ERAL1: variants seen among roughly 807,000 people sequenced by gnomAD.
The protein encoded by ERAL1 is GTPase Era, mitochondrial.
A neutral mutation model predicts 53.6 loss-of-function variants in ERAL1; 36 were observed. The observed-to-expected ratio is 0.67, with a 90% CI of 0.51 to 0.89. The LOEUF (loss-of-function observed/expected upper bound fraction) is 0.89, where lower values mean the gene tolerates loss of function less well. Among genes scored for constraint, ERAL1 ranks in the 40% least tolerant of loss-of-function variants. ERAL1 has a pLI of 0.00. For missense variants in ERAL1, 512 were observed against 537.5 expected, an observed-to-expected ratio of 0.95 and a Z score of 0.47; for synonymous variants, 215 against 211.8, an observed-to-expected ratio of 1.02 and a Z score of -0.13.
chr17:28,858,067 C>T, intron 4 of ERAL1, 79 bp from the exon 5 acceptor site: 1 of 1,612,452 alleles, frequency 6.2e-7, no homozygotes, highest in Non-Finnish European at 8.5e-7. Flanking sequence ...GCTGGAAAAC[C>T]CCTTTACCAT....
intron 3 of ERAL1, 43 bp from the exon 4 acceptor site, chr17:28,857,896 T>G: frequency 6.2e-7 from 1 of 1,609,674 alleles, no homozygotes. Context: ...CCAGTCATAA[T>G]CTTTTCTCCT....
rs375134357 is a variant in ERAL1 at position 28,858,016 on chromosome 17, G to C, written c.536+31G>C. Reference sequence around the variant, plus strand: ...GGTGGTGGAATTGGGGTGGATTGGCGGGGAGGTACTGAAAGAGGGTGGGGA... The same window carrying C: ...GGTGGTGGAATTGGGGTGGATTGGCCGGGAGGTACTGAAAGAGGGTGGGGA... On this transcript the variant is annotated intron_variant, in intron 4 of 9. Transcript: ENST00000254928. 42 of 1,614,010 alleles carry C rather than the reference G, an allele frequency of 2.6e-5. 1 individual carries two copies. In the South Asian group the frequency reaches 4.4e-4, roughly 17 times the overall value.
chr17:28,855,354 G>A lies in ERAL1; in HGVS notation c.283+37G>A, dbSNP rs778079066. The A allele has an allele frequency of 7.4e-5, 112 of 1,522,722 alleles. 1 individual carries two copies. Among genetic ancestry groups the A allele is most frequent in the East Asian group, 2.3e-5 (1 of 43,436 alleles). The allele number at this position is 1,522,722 out of a possible 1,614,324, so 94.3% of individuals were successfully genotyped here. ...TGATAGGTTTGCTCGGAACTGTCAT[G>A]TTTTTAGTATTGAAAGGTTTCTGGG... is the stretch of plus-strand genomic sequence containing the variant. On this transcript the variant is annotated intron_variant, in intron 1 of 9. Coordinates refer to ENST00000254928, the MANE Select transcript of ERAL1 (RefSeq NM_005702.4).
chr17:28,858,254 G>A lies in ERAL1; in HGVS notation c.598+47G>A, dbSNP rs773010606. ...TTAAGCCCAGTTTACAGGGGTCATG[G>A]CCTTTCATTCCTTGGTAGTTTGGGG... On this transcript the variant is annotated intron_variant, in intron 5 of 9. Transcript: ENST00000254928. 8 of 1,611,384 alleles carry A rather than the reference G, an allele frequency of 5.0e-6. No homozygotes were observed. In the African/African-American group the frequency reaches 1.1e-4, roughly 22 times the overall value.
At chr17:28,860,364 C>G (rs1185236633) in intron 9 of ERAL1, 67 bp from the exon 10 acceptor site, 18 of 1,586,078 alleles carry the variant, frequency 1.1e-5, no homozygotes, top group Non-Finnish European at 1.5e-5. Context: ...ACCTTAGCCC[C>G]CCAAGTAGCT....
In ERAL1 at chr17:28,856,377, C is replaced by T; in HGVS notation, c.397C>T (p.Leu133=). ...AGGGAAGTCAACACTCTCCAACCAG[C>T]TACTGGGCCGAAAGGTATGCTACAC... ...NAGKSTLSNQ[L]LGRKVFPVSR... The change falls in exon 2 of 10, where the codon CTA becomes TTA. Residue 133 remains leucine (L), a synonymous_variant. Transcript: ENST00000254928. 1 of 1,614,060 alleles carries T rather than the reference C, an allele frequency of 6.2e-7. No homozygotes were observed. Among genetic ancestry groups the T allele is most frequent in the African/African-American group, 1.3e-5 (1 of 75,058 alleles).
chr17:28,858,819 C>G lies in ERAL1; in HGVS notation c.955C>G (p.Leu319Val), dbSNP rs749468371. Reference protein sequence around the residue: ...SALSQEDVKTLKQYLLTQAQP... With the variant: ...SALSQEDVKTVKQYLLTQAQP... ...CCTAAGCCAGGAGGACGTGAAAACACTAAAGGTCAGTTAGTCTTGGCCATA... is the reference window on the plus strand; with the variant it reads ...CCTAAGCCAGGAGGACGTGAAAACAGTAAAGGTCAGTTAGTCTTGGCCATA... The change falls in exon 7 of 10, where the codon CTA becomes GTA. Residue 319 changes from leucine (L) to valine (V), a missense_variant. Coordinates refer to ENST00000254928, the MANE Select transcript of ERAL1 (RefSeq NM_005702.4). 3.7e-6 allele frequency: 6 copies of G among 1,614,174 alleles called. No individual in the cohort carries two copies. The highest frequency in any genetic ancestry group is 5.1e-6 in the Non-Finnish European group (6 of 1,180,022).
At chr17:28,858,025 C>T in intron 4 of ERAL1, 40 bp downstream of exon 4, 1 of 1,613,738 alleles carries the variant, frequency 6.2e-7, no homozygotes, top group Middle Eastern at 1.7e-4. Context: ...CGGGGAGGTA[C>T]TGAAAGAGGG....
intron 3 of ERAL1, 152 bp downstream of exon 3, chr17:28,856,734 T>TG (rs1377852502): frequency 1.2e-5 from 8 of 658,232 alleles, no homozygotes; most frequent in South Asian, 5.7e-5. Flanking sequence ...TTTTTTGAGA[T>TG]GGAGTCTCAC....
rs774312450 is a variant in ERAL1 at position 28,858,720 on chromosome 17, C to T, written c.856C>T (p.Pro286Ser). The T allele has an allele frequency of 1.9e-6, 3 of 1,614,204 alleles. No homozygotes were observed. The South Asian group carries it at 3.3e-5, about 18-fold the overall frequency. The change falls in exon 7 of 10, where the codon CCA becomes TCA. Residue 286 changes from proline to serine, a missense_variant. Pro to Ser is a moderately conservative substitution (Grantham distance 74). Transcript: ENST00000254928. Reference protein sequence around the residue: ...THCPSPAVKDPNTQSVGNPQR... With the variant: ...THCPSPAVKDSNTQSVGNPQR... Reference sequence around the variant, plus strand: ...TTGCCCCAGCCCAGCAGTTAAGGACCCAAACACACAATCTGTGGGAAATCC... The same window carrying T: ...TTGCCCCAGCCCAGCAGTTAAGGACTCAAACACACAATCTGTGGGAAATCC...
In ERAL1 at chr17:28,860,546, T is replaced by TC; in HGVS notation, c.1308dup (p.Lys437GlnfsTer7). 6.2e-7 allele frequency: 1 copy of TC among 1,601,334 alleles called. No individual in the cohort carries two copies. Among genetic ancestry groups the TC allele is most frequent in the South Asian group, 1.1e-5 (1 of 88,938 alleles). On this transcript the variant is annotated frameshift_variant, in exon 10 of 10. Transcript: ENST00000254928. LOFTEE classifies it high-confidence loss of function. ...GACATCCGCCTCTCTGTGAAGCTCC[T>TC]CAAGTGACCACCCTCTACTGACCCT...
At chr17:28,855,879 C>A (rs2039236558) in intron 1 of ERAL1, among the ~76,000 whole-genome samples, 1 of 151,622 alleles carries the variant, frequency 6.6e-6, no homozygotes, top group Non-Finnish European at 1.5e-5. Context: ...GAGGAAATAT[C>A]TGGCTTTGTG....
chr17:28,859,721 G>A (rs958580376), intron 9 of ERAL1, among the ~76,000 whole-genome samples: 2 of 151,528 alleles, frequency 1.3e-5, no homozygotes, highest in African/African-American at 4.9e-5. Flanking sequence ...TGTATTTTTA[G>A]TAGAGATGGG....
chr17:28,860,434 C>A lies in ERAL1; in HGVS notation c.1195C>A (p.Leu399Ile). 1 of 1,612,432 alleles carries A rather than the reference C, an allele frequency of 6.2e-7. No homozygotes were observed. Among genetic ancestry groups the A allele is most frequent in the South Asian group, 1.1e-5 (1 of 90,722 alleles). The change falls in exon 10 of 10, where the codon CTC (leucine) becomes ATC (isoleucine). Residue 399 changes from leucine (L) to isoleucine (I), a missense_variant. Coordinates refer to ENST00000254928, the MANE Select transcript of ERAL1 (RefSeq NM_005702.4). ...CTTCTCTTTCACATACCCTCAGAAA[C>A]TCCTGATTGGTCCGAAGGGCCACGT... ...LLVPKESYVK[L>I]LIGPKGHVIS...
At position 28,857,920 on chromosome 17, in the gene ERAL1, C is replaced by T. The variant is rs759185497; in HGVS notation, c.490-19C>T. The T allele has an allele frequency of 7.4e-6, 12 of 1,613,964 alleles. No individual in the cohort carries two copies. The highest frequency in any genetic ancestry group is 1.3e-5 in the African/African-American group (1 of 74,936). Reference sequence around the variant, plus strand: ...ATCTTTTCTCCTGGGGTCTGGGTATCTCACTTTCCTGATTTTAGATTCTAC... The same window carrying T: ...ATCTTTTCTCCTGGGGTCTGGGTATTTCACTTTCCTGATTTTAGATTCTAC... On this transcript the variant is annotated intron_variant, in intron 3 of 9. Transcript: ENST00000254928.
chr17:28,855,027 C>G lies in ERAL1; in HGVS notation c.-8C>G. On this transcript the variant is annotated 5_prime_UTR_variant, in exon 1 of 10. Coordinates refer to ENST00000254928, the MANE Select transcript of ERAL1 (RefSeq NM_005702.4). The stretch of plus-strand genomic sequence containing the variant: ...CCTGGTCGGTTCCCGCAGTGCCTTG[C>G]GGCTGTAATGGCTGCCCCCAGCTGG... 1 of 1,577,290 alleles carries G rather than the reference C, an allele frequency of 6.3e-7. No homozygotes were observed. The highest frequency in any genetic ancestry group is 8.6e-7 in the Non-Finnish European group (1 of 1,159,688).
intron 3 of ERAL1, among the ~76,000 whole-genome samples, chr17:28,857,154 C>T (rs2152641999): frequency 6.7e-6 from 1 of 150,098 alleles, no homozygotes; most frequent in African/African-American, 2.4e-5. Flanking sequence ...GTTGCCCAGG[C>T]TGGAGTTCAA....
At chr17:28,858,301 A>G (rs564879084) in intron 5 of ERAL1, 73 bp from the exon 6 acceptor site, 35 of 1,608,860 alleles carry the variant, frequency 2.2e-5, no homozygotes, top group Non-Finnish European at 3.0e-5. Context: ...AGCTCATACC[A>G]TGGAAGTTTT....
chr17:28,856,944 C>T lies in ERAL1; in HGVS notation c.489+362C>T, dbSNP rs138476846. Among the ~76,000 whole-genome samples the T allele has an allele frequency of 4.0e-3, 602 of 151,570 alleles. 6 individuals carry two copies. Among genetic ancestry groups the T allele is most frequent in the African/African-American group, 0.013 (535 of 41,330 alleles). On this transcript the variant is annotated intron_variant, in intron 3 of 9. Transcript: ENST00000254928. ...GCCAGGATGGTCTCGATCTCCTGAC[C>T]GCGTGATCCGCCTGCCTCAGCATCC...
Sources: gnomAD v4.1 joint callset for allele counts (sites outside exome capture counted in the v4.1 genomes callset) on GRCh38, gnomAD v4.1.1 for gene constraint, MANE v1.5 for transcripts, NCBI Gene and HGNC (gene_info 2026-07-23, HGNC 2026-07-21) for gene names.